Variants in SYNE1 observed in about 807,000 individuals in gnomAD.
The protein encoded by SYNE1 is nesprin-1.
SYNE1 carries 616 observed loss-of-function variants against 1,111.0 expected under a neutral mutation model. That is an observed-to-expected ratio of 0.55 (90% confidence interval 0.52 to 0.59). The LOEUF (loss-of-function observed/expected upper bound fraction) is 0.59, where lower values mean the gene tolerates loss of function less well. SYNE1 is among the 20% of genes least tolerant of loss of function. SYNE1 has a pLI of 0.00. For synonymous variants in SYNE1, 3,855 were observed against 3,825.8 expected (o/e 1.01, Z -0.28); for missense variants, 10,006 against 10,417.0 (o/e 0.96, Z 1.72).
chr6:152,176,605 A>T (rs2066505689), intron 129 of SYNE1, 45 bp from the exon 130 acceptor site: 1 of 1,578,352 alleles, frequency 6.3e-7, no homozygotes, highest in African/African-American at 1.3e-5. Context: ...GCATATTCTT[A>T]ATACATCCAG....
intron 132 of SYNE1, chr6:152,155,275 A>T (rs1488759482): frequency 3.9e-6 from 2 of 509,446 alleles, no homozygotes; most frequent in Non-Finnish European, 3.5e-6. Context: ...CTGGATTTTG[A>T]ATTAGTCAAA....
chr6:152,247,748 T>TAGACACAC (rs1419093301), intron 105 of SYNE1, among the ~76,000 whole-genome samples: 1 of 90,936 alleles, frequency 1.1e-5, no homozygotes, highest in Non-Finnish European at 2.0e-5. Context: ...TATATATATA[T>TAGACACAC]ATACACACAC....
intron 3 of SYNE1, chr6:152,545,965 A>T (rs1385396971): frequency 2.0e-5 from 3 of 152,246 alleles, no homozygotes; most frequent in African/African-American, 7.2e-5. Flanking sequence ...TTGGAATGAA[A>T]TTGAAAAAAT....
At chr6:152,180,398 T>C in intron 128 of SYNE1, 104 bp from the exon 129 acceptor site, 1 of 1,119,088 alleles carries the variant, frequency 8.9e-7, no homozygotes, top group Non-Finnish European at 1.3e-6. Context: ...ATGATAGTCA[T>C]ACATCTTTTT....
chr6:152,460,534 T>C (rs1250462141), intron 21 of SYNE1, among the ~76,000 whole-genome samples: 1 of 152,190 alleles, frequency 6.6e-6, no homozygotes. Flanking sequence ...ACTTTGTTTC[T>C]ACTTTGTTTT....
intron 11 of SYNE1, among the ~76,000 whole-genome samples, chr6:152,491,302 C>T (rs1177813134): frequency 6.6e-6 from 1 of 152,132 alleles, no homozygotes; most frequent in African/African-American, 2.4e-5. Context: ...TGGTCATTCA[C>T]CCACATTCCC....
chr6:152,143,477 C>T (rs1191929508), intron 138 of SYNE1, 146 bp downstream of exon 138: 1 of 1,185,366 alleles, frequency 8.4e-7, no homozygotes, highest in African/African-American at 1.5e-5. Flanking sequence ...AATAACAGGG[C>T]TTGGCTTTGC....
rs200548252 is a variant in SYNE1 at position 152,241,325 on chromosome 6, C to CA, written c.19893+914dup. On this transcript the variant is annotated intron_variant, in intron 107 of 145. Transcript: ENST00000367255. ...AATAGGAACGACAATTTGAAAAAGA[C>CA]AAAAAAAACCCACCTTTACAAGCCA... is the stretch of plus-strand genomic sequence containing the variant. Among the ~76,000 whole-genome samples, 364 of 151,448 alleles carry CA rather than the reference C, an allele frequency of 2.4e-3. 1 individual carries two copies. The highest frequency in any genetic ancestry group is 7.9e-3 in the Admixed American group (120 of 15,194).
chr6:152,438,543 A>G (rs1406212809), intron 32 of SYNE1, among the ~76,000 whole-genome samples: 4 of 152,182 alleles, frequency 2.6e-5, no homozygotes, highest in Non-Finnish European at 5.9e-5. Flanking sequence ...GCATCAGGTA[A>G]AAATTGACTC....
chr6:152,224,393 A>G (rs893924846), intron 117 of SYNE1, 101 bp downstream of exon 117: 7 of 1,055,782 alleles, frequency 6.6e-6, no homozygotes, highest in African/African-American at 4.8e-5. Context: ...TTAAACGTAA[A>G]CAACATATGG....
intron 112 of SYNE1, 129 bp downstream of exon 112, chr6:152,233,652 G>A (rs2083307101): frequency 7.8e-6 from 9 of 1,147,282 alleles, no homozygotes; most frequent in African/African-American, 1.5e-5. Context: ...TTAATACAAC[G>A]GGAGAGAGAA....
chr6:152,160,745 G>GT (rs1175915725), intron 131 of SYNE1, among the ~76,000 whole-genome samples: 1 of 152,112 alleles, frequency 6.6e-6, no homozygotes, highest in Non-Finnish European at 1.5e-5. Context: ...GCTTTCTGAA[G>GT]TTAGAGCCAT....
chr6:152,608,111 C>T (rs138384672), intron 3 of SYNE1, among the ~76,000 whole-genome samples: 143 of 151,838 alleles, frequency 9.4e-4, no homozygotes, highest in African/African-American at 3.3e-3. Flanking sequence ...TGTATCCCTA[C>T]GTAAAAACCT....
Position 152,293,571 on chromosome 6 carries a change from G to A in SYNE1, c.18012+17C>T. Reference sequence around the variant, plus strand: ...TTATTCAATCAAGTAGGAAACTGAAGTCATGGCTATTTGTACCTGATGTTC... The same window carrying A: ...TTATTCAATCAAGTAGGAAACTGAAATCATGGCTATTTGTACCTGATGTTC... On this transcript the variant is annotated intron_variant, in intron 95 of 145. Coordinates refer to ENST00000367255, the MANE Select transcript of SYNE1 (RefSeq NM_182961.4). The A allele has an allele frequency of 5.0e-6, 8 of 1,613,776 alleles. No homozygotes were observed. Among genetic ancestry groups the A allele is most frequent in the African/African-American group, 1.3e-5 (1 of 75,046 alleles).
rs760590062 is a variant in SYNE1, at chr6:152,461,387, C to T, written c.2394+210G>A. ...TTTCTATTAAAATATAGCTATAATA[C>T]TTCTAAATTAACAGAGGTAATACTT... On this transcript the variant is annotated intron_variant, in intron 21 of 145. Coordinates refer to ENST00000367255, the MANE Select transcript of SYNE1 (RefSeq NM_182961.4). Among the ~76,000 whole-genome samples, 96 of 152,066 alleles carry T rather than the reference C, an allele frequency of 6.3e-4. 1 individual carries two copies. Among genetic ancestry groups the T allele is most frequent in the Non-Finnish European group, 2.6e-4 (18 of 68,024 alleles).
rs73783804 is a variant in SYNE1 at position 152,221,082 on chromosome 6, C to T, written c.21657-36G>A. On this transcript the variant is annotated intron_variant, in intron 118 of 145. Transcript: ENST00000367255. ...TAACCAACACTCATGAGCAGATTACCACCTCTCACCAAATGTGGATATGTG... is the reference window on the plus strand; with the variant it reads ...TAACCAACACTCATGAGCAGATTACTACCTCTCACCAAATGTGGATATGTG... 3.1e-3 allele frequency: 4,984 copies of T among 1,600,176 alleles called. 131 individuals are homozygous for T. The African/African-American group carries it at 0.06, about 19-fold the overall frequency.
chr6:152,335,144 A>C (rs921089319), intron 76 of SYNE1: 1 of 152,198 alleles, frequency 6.6e-6, no homozygotes, highest in Non-Finnish European at 1.5e-5. Context: ...ATGGACTTCC[A>C]TACTTCCCCA....
intron 3 of SYNE1, among the ~76,000 whole-genome samples, chr6:152,563,565 A>T (rs1412325467): frequency 6.6e-6 from 1 of 152,158 alleles, no homozygotes; most frequent in Admixed American, 6.5e-5. Flanking sequence ...ATCACATTGC[A>T]CACCTTGAAA....
chr6:152,268,030 G>C (rs1289847746), intron 100 of SYNE1, 26 bp downstream of exon 100: 1 of 1,567,710 alleles, frequency 6.4e-7, no homozygotes. Context: ...ACAATGAAGA[G>C]AAAATGGAAG....
Sources: allele counts gnomAD v4.1 joint callset (sites outside exome capture counted in the v4.1 genomes callset), GRCh38; gene constraint gnomAD v4.1.1; transcripts MANE v1.5; gene names NCBI Gene and HGNC (gene_info 2026-07-23, HGNC 2026-07-21).